The following RBM20 variants were observed in gnomAD, a reference collection of about 807,000 sequenced individuals.
RBM20 encodes the protein RNA-binding protein 20.
RBM20 carries 51 observed loss-of-function variants against 110.1 expected under a neutral mutation model. The observed-to-expected ratio is 0.46, with a 90% CI of 0.37 to 0.59. The LOEUF (loss-of-function observed/expected upper bound fraction) is 0.59, where lower values mean the gene tolerates loss of function less well. Among genes scored for constraint, RBM20 ranks in the 20% least tolerant of loss-of-function variants. The pLI, the probability that RBM20 is intolerant of heterozygous loss-of-function variation, is 0.00. For synonymous variants in RBM20, 589 were observed against 618.2 expected (o/e 0.95, Z 0.70); for missense variants, 1,512 against 1,574.9 (o/e 0.96, Z 0.68).
chr10:110,696,913 A>G (rs993814537), intron 1 of RBM20, among the ~76,000 whole-genome samples: 5 of 152,248 alleles, frequency 3.3e-5, no homozygotes, highest in Non-Finnish European at 7.4e-5. Flanking sequence ...ACACAGACCA[A>G]AAGACTGGAG....
intron 1 of RBM20, among the ~76,000 whole-genome samples, chr10:110,767,161 G>C (rs565175616): frequency 2.3e-5 from 2 of 86,792 alleles, no homozygotes; most frequent in Admixed American, 2.2e-4. Context: ...CCGGGCGGGG[G>C]GCTGACCCCC....
rs547396362 is a variant in RBM20 at position 110,675,650 on chromosome 10, T to C, written c.191+31005T>C. Among the ~76,000 whole-genome samples the C allele has an allele frequency of 3.3e-5, 5 of 152,302 alleles. No individual in the cohort carries two copies. In the South Asian group the frequency reaches 1.0e-3, roughly 32 times the overall value. Reference sequence around the variant, plus strand: ...ACTGTATAATACTGTCTCTTGGTGCTTGTTGAAAGCCCCTGTTGAGATTAA... The same window carrying C: ...ACTGTATAATACTGTCTCTTGGTGCCTGTTGAAAGCCCCTGTTGAGATTAA... On this transcript the variant is annotated intron_variant, in intron 1 of 13. Coordinates refer to ENST00000369519, the MANE Select transcript of RBM20 (RefSeq NM_001134363.3).
chr10:110,760,606 A>G (rs1843985502), intron 1 of RBM20, among the ~76,000 whole-genome samples: 2 of 149,922 alleles, frequency 1.3e-5, no homozygotes, highest in South Asian at 4.2e-4. Flanking sequence ...ACGCACGGCT[A>G]ATTTTTGTAT....
At chr10:110,665,192 A>G (rs190868537) in intron 1 of RBM20, among the ~76,000 whole-genome samples, 1 of 152,330 alleles carries the variant, frequency 6.6e-6, no homozygotes, top group East Asian at 1.9e-4. Context: ...TCTTCATAGA[A>G]GAATGCCGTC....
At chr10:110,814,563 T>C (rs1011673192) in intron 9 of RBM20, among the ~76,000 whole-genome samples, 16 of 152,116 alleles carry the variant, frequency 1.1e-4, no homozygotes, top group African/African-American at 3.9e-4. Context: ...TGGTGTGATC[T>C]CAGCTCACGG....
intron 5 of RBM20, among the ~76,000 whole-genome samples, chr10:110,791,975 T>A (rs902220649): frequency 1.3e-5 from 2 of 152,230 alleles, no homozygotes; most frequent in African/African-American, 4.8e-5. Flanking sequence ...CCCTACAGTA[T>A]GTCTTTTAAA....
intron 1 of RBM20, among the ~76,000 whole-genome samples, chr10:110,647,059 A>T (rs1243424947): frequency 1.3e-5 from 2 of 152,230 alleles, no homozygotes; most frequent in East Asian, 3.8e-4. Context: ...GCGTTTGAAG[A>T]TTACAAACAT....
At chr10:110,713,991 C>T (rs117265234) in intron 1 of RBM20, among the ~76,000 whole-genome samples, 1 of 152,272 alleles carries the variant, frequency 6.6e-6, no homozygotes, top group Non-Finnish European at 1.5e-5. Flanking sequence ...AGGATCATCA[C>T]CCAGGAATGT....
At chr10:110,719,034 A>C (rs1843471788) in intron 1 of RBM20, among the ~76,000 whole-genome samples, 1 of 152,098 alleles carries the variant, frequency 6.6e-6, no homozygotes, top group Admixed American at 6.5e-5. Flanking sequence ...CTGTAGAGGG[A>C]AAGTTTGTGT....
chr10:110,729,055 G>A (rs1278010364), intron 1 of RBM20, among the ~76,000 whole-genome samples: 1 of 152,178 alleles, frequency 6.6e-6, no homozygotes, highest in East Asian at 1.9e-4. Flanking sequence ...TGTTCGCCGA[G>A]ACAGAATATT....
chr10:110,739,622 G>A lies in RBM20; in HGVS notation c.192-41179G>A, dbSNP rs981568655. Among the ~76,000 whole-genome samples, 3 of 152,200 alleles carry A rather than the reference G, an allele frequency of 2.0e-5. No individual in the cohort carries two copies. Among genetic ancestry groups the A allele is most frequent in the Non-Finnish European group, 4.4e-5 (3 of 68,034 alleles). On this transcript the variant is annotated intron_variant, in intron 1 of 13. Transcript: ENST00000369519. This position sits in a 1 kb window ranked among gnomAD's most constrained non-coding sequence, Gnocchi z 4.1. ...TCAACTCGAGGACTGACGTGGTGGT[G>A]GAAGGCAGAGTGGCAGGGGAAAGAG...
intron 9 of RBM20, among the ~76,000 whole-genome samples, chr10:110,819,202 C>G (rs1564663557): frequency 6.6e-6 from 1 of 152,342 alleles, no homozygotes; most frequent in South Asian, 2.1e-4. Context: ...GGGAGAATAT[C>G]CCCCAGAAAC....
intron 12 of RBM20, among the ~76,000 whole-genome samples, chr10:110,826,574 A>ATTC (rs200797620): frequency 7.2e-6 from 1 of 139,388 alleles, no homozygotes; most frequent in Non-Finnish European, 1.5e-5. Flanking sequence ...AGTCTGTTTC[A>ATTC]TTCTTCTTCT....
chr10:110,831,237 C>T lies in RBM20; in HGVS notation c.3573+55C>T, dbSNP rs528743485. On this transcript the variant is annotated intron_variant, in intron 13 of 13. Transcript: ENST00000369519. ...CCAGGGGCTCCCCAGTCTCCATAAC[C>T]GAGCCAGGTGTCTGGCGTCCTTGGC... is the stretch of plus-strand genomic sequence containing the variant. The T allele has an allele frequency of 1.7e-4, 255 of 1,529,684 alleles. No homozygotes were observed. In the African/African-American group the frequency reaches 2.7e-3, roughly 16 times the overall value. 94.8% of individuals were successfully genotyped at this position (1,529,684 alleles called of 1,614,324 possible).
chr10:110,747,317 C>T (rs1431707359), intron 1 of RBM20, among the ~76,000 whole-genome samples: 1 of 150,054 alleles, frequency 6.7e-6, no homozygotes, highest in Admixed American at 6.6e-5. Context: ...GTCATTCTGG[C>T]AGGGTAGCAC....
At chr10:110,792,352 T>C (rs1354056760) in intron 5 of RBM20, among the ~76,000 whole-genome samples, 1 of 152,198 alleles carries the variant, frequency 6.6e-6, no homozygotes, top group African/African-American at 2.4e-5. Flanking sequence ...TGCAGAATCA[T>C]TGTAACACAT....
intron 1 of RBM20, among the ~76,000 whole-genome samples, chr10:110,742,858 T>C (rs1037028891): frequency 2.0e-5 from 3 of 152,156 alleles, no homozygotes; most frequent in Non-Finnish European, 2.9e-5. Context: ...GCTAGAAACA[T>C]AAAGAGATTC....
intron 1 of RBM20, among the ~76,000 whole-genome samples, chr10:110,704,442 A>G (rs1420103566): frequency 6.6e-6 from 1 of 152,246 alleles, no homozygotes; most frequent in Non-Finnish European, 1.5e-5. Flanking sequence ...GCTGGGTTAT[A>G]TGGTAATTAC....
chr10:110,823,108 C>T (rs951622359), intron 11 of RBM20, among the ~76,000 whole-genome samples: 1 of 151,508 alleles, frequency 6.6e-6, no homozygotes. Context: ...CCTCGGTGGA[C>T]GTCAGCACAA....
Sources: allele counts gnomAD v4.1 joint callset (sites outside exome capture counted in the v4.1 genomes callset), GRCh38; gene constraint gnomAD v4.1.1; non-coding constraint Gnocchi (gnomAD v3.1); transcripts MANE v1.5; gene names NCBI Gene and HGNC (gene_info 2026-07-23, HGNC 2026-07-21).